ROCK2: variants seen among roughly 807,000 people sequenced by gnomAD.
ROCK2 encodes the protein Rho associated coiled-coil containing protein kinase 2.
A neutral mutation model predicts 195.1 loss-of-function variants in ROCK2; 61 were observed. The observed-to-expected ratio is 0.31, with a 90% CI of 0.25 to 0.39. ROCK2 has a LOEUF of 0.39. Ranked by LOEUF, ROCK2 falls within the 10% of genes least tolerant of loss-of-function variation. The pLI, the probability that ROCK2 is intolerant of heterozygous loss-of-function variation, is 1.00. For missense variants in ROCK2, 1,109 were observed against 1,637.4 expected (o/e 0.68, Z 5.57); for synonymous variants, 504 against 545.5 (o/e 0.92, Z 1.06).
At position 11,194,343 on chromosome 2, in the gene ROCK2, TA is replaced by T; in HGVS notation, c.3520del (p.Tyr1174MetfsTer2). On this transcript the variant is annotated frameshift_variant and splice_region_variant, in exon 29 of 33. Coordinates refer to ENST00000315872, the MANE Select transcript of ROCK2 (RefSeq NM_004850.5). LOFTEE classifies it high-confidence loss of function. The stretch of plus-strand genomic sequence containing the variant: ...AATCTTCTTACTGCTTACAATCACA[TA>T]CTGTTAAAACAGGGAGAAAAGAAAT... ...NTKKFGWVKK[Y>X]VIVSSKKILF... 1 of 1,366,584 alleles carries T rather than the reference TA, an allele frequency of 7.3e-7. No individual in the cohort carries two copies. Among genetic ancestry groups the T allele is most frequent in the Non-Finnish European group, 1.0e-6 (1 of 1,004,614 alleles). The allele number at this position is 1,366,584 out of a possible 1,614,324, so 84.7% of individuals were successfully genotyped here. A position where few individuals can be genotyped will look rare whatever the true frequency, so the allele number is the denominator to read the frequency against.
At chr2:11,202,494 A>AATT (rs963873289) in intron 20 of ROCK2, among the ~76,000 whole-genome samples, 13 of 150,018 alleles carry the variant, frequency 8.7e-5, no homozygotes, top group Non-Finnish European at 1.0e-4. Flanking sequence ...TAATAATAAT[A>AATT]ATTATTATTA....
chr2:11,267,549 A>T (rs948660797), intron 3 of ROCK2, among the ~76,000 whole-genome samples: 3 of 151,964 alleles, frequency 2.0e-5, no homozygotes, highest in Non-Finnish European at 4.4e-5. Context: ...AACAACAACA[A>T]AAACCCCGAA....
chr2:11,302,785 T>C (rs1190362631), intron 1 of ROCK2, among the ~76,000 whole-genome samples: 1 of 152,260 alleles, frequency 6.6e-6, no homozygotes, highest in African/African-American at 2.4e-5. Context: ...GTTAAAATAA[T>C]ACTTTGTTAT....
At chr2:11,337,636 C>CTT (rs200442493) in intron 1 of ROCK2, among the ~76,000 whole-genome samples, 3 of 143,230 alleles carry the variant, frequency 2.1e-5, no homozygotes, top group East Asian at 2.0e-4. Flanking sequence ...CTGGCAGTTT[C>CTT]TTTTTTTTTT....
chr2:11,343,988 C>G lies in ROCK2; in HGVS notation c.141+8G>C. On this transcript the variant is annotated splice_region_variant and intron_variant, in intron 1 of 32. Coordinates refer to ENST00000315872, the MANE Select transcript of ROCK2 (RefSeq NM_004850.5). ...CAACGAGCAAGCTCCCAGGCCCCGGCCACCTACCAGCAAGCTCTCCACGTT... is the reference window on the plus strand; with the variant it reads ...CAACGAGCAAGCTCCCAGGCCCCGGGCACCTACCAGCAAGCTCTCCACGTT... The G allele has an allele frequency of 6.3e-7, 1 of 1,586,396 alleles. No individual in the cohort carries two copies.
At chr2:11,217,404 CAT>C in intron 11 of ROCK2, 1 of 575,634 alleles carries the variant, frequency 1.7e-6, no homozygotes, top group Non-Finnish European at 3.2e-6. Flanking sequence ...TGTAACCATG[CAT>C]AAGAAGCTCT....
chr2:11,337,073 T>C (rs981856951), intron 1 of ROCK2, among the ~76,000 whole-genome samples: 1 of 152,102 alleles, frequency 6.6e-6, no homozygotes, highest in African/African-American at 2.4e-5. Context: ...TGAAACCCTG[T>C]CTCTACTATA....
At chr2:11,189,184 CTTTGT>C (rs1292767739) in intron 32 of ROCK2, among the ~76,000 whole-genome samples, 1 of 152,142 alleles carries the variant, frequency 6.6e-6, no homozygotes, top group African/African-American at 2.4e-5. Context: ...CAAAGCCAAA[CTTTGT>C]TTTAAGAAGG....
At chr2:11,291,622 A>T (rs1667365868) in intron 1 of ROCK2, among the ~76,000 whole-genome samples, 1 of 152,224 alleles carries the variant, frequency 6.6e-6, no homozygotes, top group Non-Finnish European at 1.5e-5. Flanking sequence ...AGGAGATTGG[A>T]AATACTCTGC....
intron 1 of ROCK2, among the ~76,000 whole-genome samples, chr2:11,295,424 A>G (rs1667481482): frequency 7.0e-6 from 1 of 143,130 alleles, no homozygotes; most frequent in Non-Finnish European, 1.5e-5. Context: ...ACTTTAGGGC[A>G]AAAAAAAAAA....
rs188396270 is a variant in ROCK2 at position 11,245,056 on chromosome 2, C to A, written c.462+4605G>T. Among the ~76,000 whole-genome samples, 145 of 151,900 alleles carry A rather than the reference C, an allele frequency of 9.5e-4. 1 individual carries two copies. The highest frequency in any genetic ancestry group is 3.1e-3 in the Admixed American group (47 of 15,266). Reference sequence around the variant, plus strand: ...TTCAGTATCCCACTTTTAAAAATCACATTATTGCAAATAGCATTTACTTTA... The same window carrying A: ...TTCAGTATCCCACTTTTAAAAATCAAATTATTGCAAATAGCATTTACTTTA... On this transcript the variant is annotated intron_variant, in intron 4 of 32. Transcript: ENST00000315872.
chr2:11,264,708 A>C (rs1339738772), intron 3 of ROCK2, among the ~76,000 whole-genome samples: 1 of 152,210 alleles, frequency 6.6e-6, no homozygotes, highest in Non-Finnish European at 1.5e-5. Context: ...TACCTTAAGA[A>C]GGCAAATAAA....
At chr2:11,315,816 T>G (rs1668173937) in intron 1 of ROCK2, among the ~76,000 whole-genome samples, 1 of 152,088 alleles carries the variant, frequency 6.6e-6, no homozygotes. Context: ...ATTACATATA[T>G]CTAAAATAGA....
chr2:11,205,169 A>G (rs1664005122), intron 20 of ROCK2, among the ~76,000 whole-genome samples: 1 of 152,178 alleles, frequency 6.6e-6, no homozygotes, highest in Non-Finnish European at 1.5e-5. Flanking sequence ...TCTGTAGAGG[A>G]GAATGCTCTG....
At chr2:11,273,412 A>C (rs544698583) in intron 3 of ROCK2, among the ~76,000 whole-genome samples, 4 of 152,306 alleles carry the variant, frequency 2.6e-5, no homozygotes, top group African/African-American at 7.2e-5. Flanking sequence ...ACAAAAAAAA[A>C]CATTATATCT....
At chr2:11,207,394 GAAAC>G (rs1368548588) in intron 20 of ROCK2, among the ~76,000 whole-genome samples, 2 of 152,158 alleles carry the variant, frequency 1.3e-5, no homozygotes, top group African/African-American at 4.8e-5. Flanking sequence ...AGAAACTAAG[GAAAC>G]AAACAGGCAC....
At chr2:11,270,288 T>C (rs777837641) in intron 3 of ROCK2, among the ~76,000 whole-genome samples, 1 of 152,188 alleles carries the variant, frequency 6.6e-6, no homozygotes, top group Non-Finnish European at 1.5e-5. Context: ...CTTTCAGGCT[T>C]TTTCTTATGC....
chr2:11,252,614 T>C (rs902350385), intron 3 of ROCK2, among the ~76,000 whole-genome samples: 10 of 152,124 alleles, frequency 6.6e-5, no homozygotes, highest in African/African-American at 2.2e-4. Context: ...TGGAATACTA[T>C]GCAGCCATAA....
chr2:11,325,164 T>C (rs1423053137), intron 1 of ROCK2, among the ~76,000 whole-genome samples: 1 of 152,136 alleles, frequency 6.6e-6, no homozygotes, highest in Non-Finnish European at 1.5e-5. Context: ...TATAAGTAGA[T>C]TTTTTTTCCA....
Sources: gnomAD v4.1 joint callset for allele counts (sites outside exome capture counted in the v4.1 genomes callset) on GRCh38, gnomAD v4.1.1 for gene constraint, MANE v1.5 for transcripts, NCBI Gene and HGNC (gene_info 2026-07-23, HGNC 2026-07-21) for gene names.